The following TMBIM1 variants were observed in gnomAD, a reference collection of about 807,000 sequenced individuals.
TMBIM1 encodes the protein protein lifeguard 3.
A neutral mutation model predicts 45.1 loss-of-function variants in TMBIM1; 34 were observed. That is an observed-to-expected ratio of 0.75 (90% confidence interval 0.57 to 1.00). The LOEUF (loss-of-function observed/expected upper bound fraction) is 1.00, where lower values mean the gene tolerates loss of function less well. TMBIM1 is among the 50% of genes least tolerant of loss of function. TMBIM1 has a pLI of 0.00. For missense variants in TMBIM1, 374 were observed against 402.4 expected, an observed-to-expected ratio of 0.93 and a Z score of 0.60; for synonymous variants, 157 against 153.5, an observed-to-expected ratio of 1.02 and a Z score of -0.17.
At chr2:218,287,635 G>A (rs1235261659) in intron 1 of TMBIM1, among the ~76,000 whole-genome samples, 3 of 152,114 alleles carry the variant, frequency 2.0e-5, no homozygotes, top group Non-Finnish European at 4.4e-5. Context: ...GCTCGAACCC[G>A]AGAGGCAGAG....
At chr2:218,292,265 C>A (rs1692979294) in intron 1 of TMBIM1, among the ~76,000 whole-genome samples, 1 of 152,246 alleles carries the variant, frequency 6.6e-6, no homozygotes, top group Admixed American at 6.5e-5. Context: ...CGGCCGCCCA[C>A]CCGCGCGCCC....
intron 1 of TMBIM1, among the ~76,000 whole-genome samples, chr2:218,290,657 G>A (rs1294164607): frequency 6.6e-6 from 1 of 152,178 alleles, no homozygotes; most frequent in African/African-American, 2.4e-5. Flanking sequence ...CTGTGCAACG[G>A]GGCAAAGCAC....
At chr2:218,288,659 A>G (rs1316193389) in intron 1 of TMBIM1, among the ~76,000 whole-genome samples, 1 of 152,224 alleles carries the variant, frequency 6.6e-6, no homozygotes, top group Non-Finnish European at 1.5e-5. Context: ...CTCAACCAGT[A>G]AGTATAATAT....
At chr2:218,275,651 A>G in intron 11 of TMBIM1, 30 bp from the exon 12 acceptor site, 1 of 1,597,100 alleles carries the variant, frequency 6.3e-7, no homozygotes, top group Non-Finnish European at 8.5e-7. Flanking sequence ...AGAAGTGAGA[A>G]CTCAGGCATC....
chr2:218,282,315 G>A (rs1385066456), intron 1 of TMBIM1, 134 bp from the exon 2 acceptor site: 19 of 549,038 alleles, frequency 3.5e-5, no homozygotes, highest in East Asian at 3.1e-4. Context: ...AGAGGGCAGC[G>A]TGTGATTTGC....
chr2:218,288,830 A>G (rs1207651309), intron 1 of TMBIM1, among the ~76,000 whole-genome samples: 1 of 152,070 alleles, frequency 6.6e-6, no homozygotes, highest in Admixed American at 6.6e-5. Flanking sequence ...GAGGGAAGGA[A>G]ATTGTCAAAA....
At chr2:218,280,382 T>TG in intron 2 of TMBIM1, 1 of 417,518 alleles carries the variant, frequency 2.4e-6, no homozygotes, top group East Asian at 5.2e-5. Flanking sequence ...CCCACGCCAC[T>TG]GGGGGTTCAC....
At chr2:218,279,491 T>A in intron 3 of TMBIM1, 138 bp from the exon 4 acceptor site, 1 of 668,120 alleles carries the variant, frequency 1.5e-6, no homozygotes. Context: ...CCCAGTGAGA[T>A]GCCTGGCTCA....
At position 218,279,295 on chromosome 2, in the gene TMBIM1, G is replaced by A; in HGVS notation, c.362C>T (p.Thr121Ile). 3.2e-6 allele frequency: 5 copies of A among 1,584,510 alleles called. No homozygotes were observed. The highest frequency in any genetic ancestry group is 4.3e-6 in the Non-Finnish European group (5 of 1,165,406). Residue 121 changes from threonine to isoleucine, a missense_variant, in exon 4 of 12, where the codon ACC becomes ATC. Physicochemically the swap from Thr to Ile is moderately conservative, Grantham distance 89 (BLOSUM62 -1). Transcript: ENST00000258412. Reference protein sequence around the residue: ...LITVAIIAIFTFVEPVSAFVR... With the variant: ...LITVAIIAIFIFVEPVSAFVR... Reference sequence around the variant, plus strand: ...GCAAAGCCTAGAGACTTACACAAAGGTGAAGATAGCAATGATGGCCACAGT... The same window carrying A: ...GCAAAGCCTAGAGACTTACACAAAGATGAAGATAGCAATGATGGCCACAGT...
chr2:218,289,691 A>G (rs1411191936), intron 1 of TMBIM1, among the ~76,000 whole-genome samples: 3 of 151,576 alleles, frequency 2.0e-5, no homozygotes, highest in Non-Finnish European at 4.4e-5. Flanking sequence ...TTCTGAATGA[A>G]CAGCCTAACA....
intron 10 of TMBIM1, among the ~76,000 whole-genome samples, chr2:218,276,336 T>C (rs1195731182): frequency 1.3e-5 from 2 of 152,194 alleles, no homozygotes; most frequent in Non-Finnish European, 2.9e-5. Flanking sequence ...GTGTCTACTA[T>C]ACTTCTAGAA....
intron 1 of TMBIM1, chr2:218,285,874 G>A (rs1463006984): frequency 6.5e-6 from 1 of 153,278 alleles, no homozygotes; most frequent in Non-Finnish European, 1.5e-5. Flanking sequence ...GCCTCCATGA[G>A]GGCCCTGGCC....
chr2:218,285,580 G>T (rs1692442169), intron 1 of TMBIM1, among the ~76,000 whole-genome samples: 1 of 152,192 alleles, frequency 6.6e-6, no homozygotes, highest in Non-Finnish European at 1.5e-5. Context: ...ACTCACCCAA[G>T]GACAGCCAAC....
chr2:218,278,071 G>A (rs1423142145), intron 6 of TMBIM1, 97 bp from the exon 7 acceptor site: 5 of 1,416,752 alleles, frequency 3.5e-6, no homozygotes, highest in Non-Finnish European at 3.9e-6. Flanking sequence ...TGTGCCTGGA[G>A]GATTAAGCCT....
At position 218,279,032 on chromosome 2, in the gene TMBIM1, A is replaced by T; in HGVS notation, c.422+6T>A. 1 of 1,613,996 alleles carries T rather than the reference A, an allele frequency of 6.2e-7. No homozygotes were observed. The highest frequency in any genetic ancestry group is 8.5e-7 in the Non-Finnish European group (1 of 1,179,940). Reference sequence around the variant, plus strand: ...CCTGCCCAACCACAGAGGAGCACACACTCACTAGGACACGTAGTAGACAGC... The same window carrying T: ...CCTGCCCAACCACAGAGGAGCACACTCTCACTAGGACACGTAGTAGACAGC... On this transcript the variant is annotated splice_donor_region_variant and intron_variant, in intron 5 of 11. Coordinates refer to ENST00000258412, the MANE Select transcript of TMBIM1 (RefSeq NM_022152.6).
Position 218,282,147 on chromosome 2 carries a change from C to T in TMBIM1, c.-6G>A. On this transcript the variant is annotated 5_prime_UTR_variant, in exon 2 of 12. Transcript: ENST00000258412. ...GGGGCGCTGGGGTTGGACATGGCTG[C>T]TCACGGGCTGAGGGGGAACCCCAGC... 1 of 1,478,666 alleles carries T rather than the reference C, an allele frequency of 6.8e-7. No homozygotes were observed. Among genetic ancestry groups the T allele is most frequent in the Non-Finnish European group, 9.0e-7 (1 of 1,116,432 alleles). 91.6% of individuals were successfully genotyped at this position (1,478,666 alleles called of 1,614,324 possible). A position where few individuals can be genotyped will look rare whatever the true frequency, so the allele number is the denominator to read the frequency against.
intron 6 of TMBIM1, 98 bp downstream of exon 6, chr2:218,278,417 C>A (rs2106196225): frequency 8.1e-7 from 1 of 1,241,240 alleles, no homozygotes; most frequent in East Asian, 2.3e-5. Flanking sequence ...TTGTAAGTTT[C>A]CATTCAGCTG....
Position 218,277,456 on chromosome 2 carries a change from G to A in TMBIM1, c.552-3C>T, listed in dbSNP as rs749932616. 3 of 1,613,946 alleles carry A rather than the reference G, an allele frequency of 1.9e-6. No homozygotes were observed. The highest frequency in any genetic ancestry group is 1.3e-5 in the African/African-American group (1 of 74,910). On this transcript the variant is annotated splice_region_variant and splice_polypyrimidine_tract_variant and intron_variant, in intron 8 of 11. Coordinates refer to ENST00000258412, the MANE Select transcript of TMBIM1 (RefSeq NM_022152.6). ...TGACGGCTTTGGTTTGGTACATACT[G>A]GGGAGAAGCAGGAGTTACAGACAAG...
intron 11 of TMBIM1, 93 bp downstream of exon 11, chr2:218,275,933 C>A (rs1691158211): frequency 1.4e-6 from 2 of 1,447,964 alleles, no homozygotes; most frequent in Admixed American, 2.0e-5. Flanking sequence ...GCCCCATTCC[C>A]TGCCTCCCAG....
Sources: gnomAD v4.1 joint callset for allele counts (sites outside exome capture counted in the v4.1 genomes callset) on GRCh38, gnomAD v4.1.1 for gene constraint, MANE v1.5 for transcripts, NCBI Gene and HGNC (gene_info 2026-07-23, HGNC 2026-07-21) for gene names.